Variants in NLGN1 observed in about 807,000 individuals in gnomAD.
NLGN1 encodes the protein neuroligin-1.
Under a neutral mutation model 65.5 loss-of-function variants are expected in NLGN1, and 12 were observed. That is an observed-to-expected ratio of 0.18 (90% CI 0.12 to 0.30). The LOEUF (loss-of-function observed/expected upper bound fraction) is 0.30. Ranked by LOEUF, NLGN1 falls within the 10% of genes least tolerant of loss-of-function variation. The pLI is 1.00. For synonymous variants in NLGN1, 350 were observed against 359.5 expected (o/e 0.97, Z 0.30); for missense variants, 750 against 1,007.1 (o/e 0.74, Z 3.46).
intron 3 of NLGN1, among the ~76,000 whole-genome samples, chr3:173,763,663 C>T (rs1778337441): frequency 6.6e-6 from 1 of 151,950 alleles, no homozygotes; most frequent in Admixed American, 6.6e-5. Context: ...CTGTCCTATG[C>T]CTTCAACTCT....
At chr3:174,239,137 C>G (rs773346738) in intron 4 of NLGN1, among the ~76,000 whole-genome samples, 3 of 151,904 alleles carry the variant, frequency 2.0e-5, no homozygotes, top group Non-Finnish European at 4.4e-5. Context: ...GTGGCGATCT[C>G]AGCTCACTGC....
At chr3:173,987,856 G>A in intron 4 of NLGN1, among the ~76,000 whole-genome samples, 1 of 152,040 alleles carries the variant, frequency 6.6e-6, no homozygotes, top group East Asian at 1.9e-4. Flanking sequence ...CACTTGTATT[G>A]ACAACTAATG....
intron 2 of NLGN1, among the ~76,000 whole-genome samples, chr3:173,600,853 T>C (rs574745943): frequency 1.3e-5 from 2 of 151,928 alleles, no homozygotes; most frequent in African/African-American, 4.8e-5. Flanking sequence ...TAATGTTTGT[T>C]GAGTGAATGA....
chr3:174,181,976 CA>C (rs551914698), intron 4 of NLGN1, among the ~76,000 whole-genome samples: 1,168 of 44,366 alleles, frequency 0.026, 1 homozygote, highest in African/African-American at 0.032. Flanking sequence ...GACTTGGTGT[CA>C]AAAAAAAAAA....
At chr3:173,994,491 A>AAAAGAGAG (rs10688223) in intron 4 of NLGN1, among the ~76,000 whole-genome samples, 2 of 81,202 alleles carry the variant, frequency 2.5e-5, no homozygotes, top group African/African-American at 1.1e-4. Context: ...AAAAAAAAAA[A>AAAAGAGAG]AGAGAGAGAG....
chr3:173,420,826 A>T (rs1362129686), intron 1 of NLGN1, among the ~76,000 whole-genome samples: 1 of 152,194 alleles, frequency 6.6e-6, no homozygotes, highest in Non-Finnish European at 1.5e-5. Flanking sequence ...CACTAATTTG[A>T]TATGTGTACT....
rs117396745 is a variant in NLGN1 at position 173,487,968 on chromosome 3, C to G, written c.-321+52890C>G. On this transcript the variant is annotated intron_variant, in intron 2 of 6. Coordinates refer to ENST00000457714, the Ensembl canonical transcript of NLGN1. The stretch of plus-strand genomic sequence containing the variant: ...TCCATTTGAATTTATTCTTTTTCAT[C>G]TTATGTGCTTTATAATTACTAGTTT... 2.4e-3 allele frequency among the ~76,000 whole-genome samples: 371 copies of G among 151,850 alleles called. 10 individuals carry two copies. In the East Asian group the frequency reaches 0.062, roughly 26 times the overall value.
chr3:173,524,272 T>A (rs1735270776), intron 2 of NLGN1, among the ~76,000 whole-genome samples: 1 of 152,076 alleles, frequency 6.6e-6, no homozygotes, highest in African/African-American at 2.4e-5. Flanking sequence ...CTTATAGAGA[T>A]GATTCACCTC....
chr3:173,759,764 G>A (rs1384452640), intron 3 of NLGN1, among the ~76,000 whole-genome samples: 1 of 151,880 alleles, frequency 6.6e-6, no homozygotes, highest in African/African-American at 2.4e-5. Context: ...CTACTAGGAT[G>A]TCAGCATTCT....
At chr3:173,908,599 G>A (rs1321217859) in intron 4 of NLGN1, among the ~76,000 whole-genome samples, 1 of 152,056 alleles carries the variant, frequency 6.6e-6, no homozygotes, top group East Asian at 1.9e-4. Context: ...TAGTTTTAAA[G>A]TCTGTCTAGT....
chr3:173,699,000 G>T (rs556282590), intron 3 of NLGN1, among the ~76,000 whole-genome samples: 1 of 152,124 alleles, frequency 6.6e-6, no homozygotes, highest in Admixed American at 6.5e-5. Flanking sequence ...GGGATTACAC[G>T]CATGCGCCAC....
At chr3:173,895,061 C>CT (rs200169151) in intron 4 of NLGN1, among the ~76,000 whole-genome samples, 2,193 of 152,204 alleles carry the variant, frequency 0.014, 34 homozygotes, top group Non-Finnish European at 0.018. Flanking sequence ...TGTTTCCTTG[C>CT]TTTTTTGGTG....
intron 3 of NLGN1, among the ~76,000 whole-genome samples, chr3:173,724,989 A>C (rs1003814642): frequency 2.0e-5 from 3 of 151,752 alleles, no homozygotes; most frequent in Admixed American, 6.6e-5. Context: ...CAATGAGAAC[A>C]CTTGGAAACA....
intron 4 of NLGN1, among the ~76,000 whole-genome samples, chr3:174,103,139 G>GT (rs937950954): frequency 4.6e-5 from 7 of 152,116 alleles, no homozygotes; most frequent in African/African-American, 1.4e-4. Context: ...GACATTTGGG[G>GT]TTTTTGCATT....
intron 2 of NLGN1, among the ~76,000 whole-genome samples, chr3:173,568,935 C>A (rs1744182248): frequency 6.6e-6 from 1 of 152,178 alleles, no homozygotes. Flanking sequence ...GGCTCGGCCT[C>A]CCAAAGTGCT....
chr3:173,899,270 T>C (rs1009747218), intron 4 of NLGN1, among the ~76,000 whole-genome samples: 2 of 152,112 alleles, frequency 1.3e-5, no homozygotes, highest in African/African-American at 4.8e-5. Flanking sequence ...GAACTTGATA[T>C]AGAGTCAGAG....
chr3:173,878,798 C>T (rs1044650985), intron 4 of NLGN1, among the ~76,000 whole-genome samples: 9 of 151,938 alleles, frequency 5.9e-5, no homozygotes, highest in Non-Finnish European at 1.0e-4. Context: ...TTATCCCTTG[C>T]ACTAAGGATC....
intron 4 of NLGN1, among the ~76,000 whole-genome samples, chr3:173,895,429 G>A (rs1033285018): frequency 1.3e-5 from 2 of 152,126 alleles, no homozygotes; most frequent in African/African-American, 4.8e-5. Flanking sequence ...TTACTGTGAG[G>A]CAAAGAGAAG....
At chr3:173,690,487 T>C (rs1305465216) in intron 3 of NLGN1, among the ~76,000 whole-genome samples, 1 of 152,210 alleles carries the variant, frequency 6.6e-6, no homozygotes, top group Non-Finnish European at 1.5e-5. Flanking sequence ...AATTACTGTT[T>C]GGTTTCTCAC....
Sources: allele counts gnomAD v4.1 joint callset (sites outside exome capture counted in the v4.1 genomes callset), GRCh38; gene constraint gnomAD v4.1.1; transcripts MANE v1.5; gene names NCBI Gene and HGNC (gene_info 2026-07-23, HGNC 2026-07-21).